Variants in ATP11C observed in about 807,000 individuals in gnomAD.
ATP11C encodes phospholipid-transporting ATPase IG.
A neutral mutation model predicts 97.4 loss-of-function variants in ATP11C; 36 were observed. That is an observed-to-expected ratio of 0.37 (90% CI 0.28 to 0.49). The LOEUF is 0.49. ATP11C is among the 20% of genes least tolerant of loss of function. The pLI, the probability that ATP11C is intolerant of heterozygous loss-of-function variation, is 0.98. For synonymous variants in ATP11C, 275 were observed against 290.9 expected, an observed-to-expected ratio of 0.95 and a Z score of 0.56; for missense variants, 730 against 824.6, an observed-to-expected ratio of 0.89 and a Z score of 1.40.
intron 1 of ATP11C, among the ~76,000 whole-genome samples, chrX:139,931,131 G>A (rs1053153839): frequency 5.4e-5 from 6 of 112,031 alleles, no homozygotes; most frequent in Admixed American, 9.5e-5. Context: ...AACGTAAATG[G>A]TCCTGTTTCG....
rs2081616633 is a variant in ATP11C, at chrX:139,743,539, T to C, written c.3030+20A>G. 2 of 1,062,434 alleles carry C rather than the reference T, an allele frequency of 1.9e-6. No individual in the cohort carries two copies. The highest frequency in any genetic ancestry group is 2.1e-5 in the South Asian group (1 of 47,486). 87.6% of individuals were successfully genotyped at this position (1,062,434 alleles called of 1,213,427 possible). A position where few individuals can be genotyped will look rare whatever the true frequency, so the allele number is the denominator to read the frequency against. ...TATAAAAACAGTATTAAAAAATACA[T>C]GAATAAGTAAAAATCTAACCTTCAG... On this transcript the variant is annotated intron_variant, in intron 26 of 29. Coordinates refer to ENST00000682941, the MANE Select transcript of ATP11C (RefSeq NM_001353812.2).
At chrX:139,792,516 G>A (rs904927942) in intron 12 of ATP11C, among the ~76,000 whole-genome samples, 1 of 110,988 alleles carries the variant, frequency 9.0e-6, no homozygotes, top group Non-Finnish European at 1.9e-5. Flanking sequence ...CATCTGAAGT[G>A]GGGGGCAGTC....
In ATP11C at chrX:139,804,560, G is replaced by GA; in HGVS notation, c.465dup (p.Pro156SerfsTer3). On this transcript the variant is annotated frameshift_variant, in exon 6 of 30. Coordinates refer to ENST00000682941, the MANE Select transcript of ATP11C (RefSeq NM_001353812.2). LOFTEE classifies it high-confidence loss of function. ...GATGATAGAAGAATAAGATCACAGG[G>GA]AAAGGTTTCATCTGCCTGTACTTCT... 3 of 1,198,110 alleles carry GA rather than the reference G, an allele frequency of 2.5e-6. No individual in the cohort carries two copies. The highest frequency in any genetic ancestry group is 3.4e-6 in the Non-Finnish European group (3 of 885,430).
At chrX:139,917,861 C>T (rs2085177790) in intron 1 of ATP11C, among the ~76,000 whole-genome samples, 1 of 101,118 alleles carries the variant, frequency 9.9e-6, no homozygotes, top group Admixed American at 1.2e-4. Flanking sequence ...GAGGCTGAGG[C>T]AGGAGAATCA....
rs146886022 is a variant in ATP11C, at chrX:139,799,853, C to G, written c.710+207G>C. On this transcript the variant is annotated intron_variant, in intron 8 of 29. Transcript: ENST00000682941. ...TTTTAATAGAGATTGGGTTTCACCC[C>G]GTTGGCCAGGCTGGCTTCAAACTCC... 2.7e-3 allele frequency among the ~76,000 whole-genome samples: 292 copies of G among 108,863 alleles called. 2 individuals carry two copies. Among genetic ancestry groups the G allele is most frequent in the African/African-American group, 8.0e-3 (239 of 29,851 alleles). 94.5% of individuals were successfully genotyped at this position (108,863 alleles called of 115,157 possible). A position where few individuals can be genotyped will look rare whatever the true frequency, so the allele number is the denominator to read the frequency against.
chrX:139,808,051 C>T (rs761157207), intron 5 of ATP11C, among the ~76,000 whole-genome samples: 5 of 108,510 alleles, frequency 4.6e-5, no homozygotes, highest in African/African-American at 1.7e-4. Context: ...CAGAGGGATA[C>T]TACAAAAAAA....
chrX:139,771,513 CA>C (rs1268430346), intron 19 of ATP11C, among the ~76,000 whole-genome samples: 1 of 111,513 alleles, frequency 9.0e-6, no homozygotes, highest in Non-Finnish European at 1.9e-5. Context: ...GGAGGGCTCA[CA>C]GGAAGACAGG....
At chrX:139,873,227 C>T (rs2084406027) in intron 1 of ATP11C, among the ~76,000 whole-genome samples, 1 of 112,305 alleles carries the variant, frequency 8.9e-6, no homozygotes, top group Non-Finnish European at 1.9e-5. Flanking sequence ...AATTGATTGG[C>T]TTTGTCATAG....
At chrX:139,800,810 C>T (rs1242379173) in intron 7 of ATP11C, among the ~76,000 whole-genome samples, 1 of 111,892 alleles carries the variant, frequency 8.9e-6, no homozygotes, top group Non-Finnish European at 1.9e-5. Context: ...TCGTTAACAT[C>T]AGTGTTTTAT....
In ATP11C at chrX:139,796,974, G is replaced by GT. The variant is rs201991676; in HGVS notation, c.1008+201dup. Among the ~76,000 whole-genome samples, 825 of 109,175 alleles carry GT rather than the reference G, an allele frequency of 7.6e-3. 8 individuals carry two copies. Among genetic ancestry groups the GT allele is most frequent in the African/African-American group, 0.026 (775 of 29,946 alleles). The allele number at this position is 109,175 out of a possible 115,157, so 94.8% of individuals were successfully genotyped here. A position where few individuals can be genotyped will look rare whatever the true frequency, so the allele number is the denominator to read the frequency against. ...TTCTTTTACAATAAAGAAAATAAAA[G>GT]TTTTTTTTACAAAAAAAACTTTGTT... On this transcript the variant is annotated intron_variant, in intron 11 of 29. Coordinates refer to ENST00000682941, the MANE Select transcript of ATP11C (RefSeq NM_001353812.2).
At chrX:139,845,750 G>C (rs1476887485) in intron 1 of ATP11C, among the ~76,000 whole-genome samples, 1 of 111,714 alleles carries the variant, frequency 9.0e-6, no homozygotes, top group African/African-American at 3.3e-5. Context: ...TACTGTTCTT[G>C]GCAAAAGAAC....
chrX:139,871,062 C>CAAAA (rs142699531), intron 1 of ATP11C, among the ~76,000 whole-genome samples: 3 of 38,808 alleles, frequency 7.7e-5, no homozygotes, highest in African/African-American at 2.1e-4. Flanking sequence ...GACTCCGTCT[C>CAAAA]AAAAAAAAAA....
intron 7 of ATP11C, among the ~76,000 whole-genome samples, chrX:139,800,519 T>C (rs2082905575): frequency 8.9e-6 from 1 of 112,089 alleles, no homozygotes; most frequent in African/African-American, 3.2e-5. Flanking sequence ...TACACTTGAG[T>C]GTGCATCAGA....
intron 1 of ATP11C, among the ~76,000 whole-genome samples, chrX:139,907,536 C>G (rs750110429): frequency 9.0e-6 from 1 of 110,626 alleles, no homozygotes; most frequent in Non-Finnish European, 1.9e-5. Context: ...ATCACGAGGT[C>G]AGGAGATCGA....
At chrX:139,785,336 A>G (rs1366576138) in intron 15 of ATP11C, 37 bp from the exon 16 acceptor site, 1 of 991,610 alleles carries the variant, frequency 1.0e-6, no homozygotes, top group African/African-American at 1.9e-5. Flanking sequence ...AACCTAGAAT[A>G]TACTGAGAAA....
At chrX:139,854,480 T>C (rs751258027) in intron 1 of ATP11C, among the ~76,000 whole-genome samples, 5 of 111,763 alleles carry the variant, frequency 4.5e-5, no homozygotes, top group Non-Finnish European at 9.4e-5. Context: ...GGAGAATTTA[T>C]GTAAAGAGAA....
intron 5 of ATP11C, among the ~76,000 whole-genome samples, chrX:139,813,558 T>C (rs1318700652): frequency 6.3e-5 from 7 of 111,722 alleles, no homozygotes; most frequent in Non-Finnish European, 1.3e-4. Context: ...CTATGGTATA[T>C]CCAGAAAATG....
At chrX:139,756,803 C>T (rs1316318707) in intron 23 of ATP11C, among the ~76,000 whole-genome samples, 1 of 109,296 alleles carries the variant, frequency 9.1e-6, no homozygotes, top group East Asian at 2.9e-4. Flanking sequence ...GAACAACAGA[C>T]ACTGGAGTCT....
At chrX:139,763,796 C>T (rs1174113641) in intron 20 of ATP11C, among the ~76,000 whole-genome samples, 1 of 111,694 alleles carries the variant, frequency 9.0e-6, no homozygotes, top group African/African-American at 3.3e-5. Flanking sequence ...GATGCAGGAC[C>T]CATGGATACG....
Sources: allele counts gnomAD v4.1 joint callset (sites outside exome capture counted in the v4.1 genomes callset), GRCh38; gene constraint gnomAD v4.1.1; transcripts MANE v1.5; gene names NCBI Gene and HGNC (gene_info 2026-07-23, HGNC 2026-07-21).